TMEM163: variants seen among roughly 807,000 people sequenced by gnomAD.
TMEM163 encodes transmembrane protein 163.
A neutral mutation model predicts 29.3 loss-of-function variants in TMEM163; 17 were observed. That is an observed-to-expected ratio of 0.58 (90% CI 0.40 to 0.87). The LOEUF (loss-of-function observed/expected upper bound fraction) is 0.87, where lower values mean the gene tolerates loss of function less well. Ranked by LOEUF, TMEM163 falls within the 40% of genes least tolerant of loss-of-function variation. The pLI is 0.00. For missense variants in TMEM163, 303 were observed against 381.5 expected, an observed-to-expected ratio of 0.79 and a Z score of 1.71; for synonymous variants, 157 against 160.6, an observed-to-expected ratio of 0.98 and a Z score of 0.17.
intron 2 of TMEM163, among the ~76,000 whole-genome samples, chr2:134,617,436 A>G (rs1003580316): frequency 6.6e-6 from 1 of 152,036 alleles, no homozygotes; most frequent in East Asian, 1.9e-4. Context: ...CATGTACTCT[A>G]CTAAAAAAGT....
intron 5 of TMEM163, among the ~76,000 whole-genome samples, chr2:134,498,227 C>G (rs1037178145): frequency 5.3e-5 from 8 of 152,136 alleles, no homozygotes; most frequent in Non-Finnish European, 1.2e-4. Context: ...CACGCCCAAG[C>G]CCTCCCACCA....
intron 4 of TMEM163, among the ~76,000 whole-genome samples, chr2:134,531,144 C>T (rs959165872): frequency 2.0e-5 from 3 of 152,084 alleles, no homozygotes; most frequent in Admixed American, 6.5e-5. Flanking sequence ...AAATGTGTCC[C>T]TAAGGATTTT....
At chr2:134,545,099 A>G (rs1278797155) in intron 4 of TMEM163, among the ~76,000 whole-genome samples, 1 of 152,198 alleles carries the variant, frequency 6.6e-6, no homozygotes, top group Non-Finnish European at 1.5e-5. Flanking sequence ...AAAACCACAC[A>G]TGCTATTTTG....
At chr2:134,517,398 A>G (rs1006069957) in intron 4 of TMEM163, among the ~76,000 whole-genome samples, 17 of 152,214 alleles carry the variant, frequency 1.1e-4, no homozygotes, top group Non-Finnish European at 2.5e-4. Context: ...ACAGTCTGGG[A>G]AAAGTCTATG....
intron 2 of TMEM163, among the ~76,000 whole-genome samples, chr2:134,597,985 T>C (rs1682128346): frequency 6.6e-6 from 1 of 152,216 alleles, no homozygotes; most frequent in Non-Finnish European, 1.5e-5. Flanking sequence ...TTTTATTGTG[T>C]CTATTTGATT....
intron 6 of TMEM163, among the ~76,000 whole-genome samples, chr2:134,462,913 C>A (rs770616909): frequency 6.6e-6 from 1 of 152,168 alleles, no homozygotes. Flanking sequence ...AGGTGTCCAG[C>A]GAATGAGGTT....
In TMEM163 at chr2:134,669,603, C is replaced by T. The variant is rs114806072; in HGVS notation, c.322+43597G>A. Among the ~76,000 whole-genome samples the T allele has an allele frequency of 2.8e-3, 428 of 152,310 alleles. 1 individual carries two copies. Among genetic ancestry groups the T allele is most frequent in the African/African-American group, 9.6e-3 (399 of 41,568 alleles). ...CTCTCTCAGTGTGACCCTGACATTC[C>T]GTCACTGACAGTGGGTCTGGTTTCC... On this transcript the variant is annotated intron_variant, in intron 2 of 7. Coordinates refer to ENST00000281924, the MANE Select transcript of TMEM163 (RefSeq NM_030923.5).
At chr2:134,468,992 T>C (rs2106475375) in intron 5 of TMEM163, 1 of 151,722 alleles carries the variant, frequency 6.6e-6, no homozygotes. Context: ...AAGGTACGAG[T>C]TGTTGTGAAG....
At chr2:134,693,452 GA>G (rs1315336980) in intron 2 of TMEM163, among the ~76,000 whole-genome samples, 2 of 151,500 alleles carry the variant, frequency 1.3e-5, no homozygotes. Flanking sequence ...ACTAAAAATA[GA>G]AAAAAATTAG....
intron 4 of TMEM163, among the ~76,000 whole-genome samples, chr2:134,520,318 T>TA (rs1455550972): frequency 1.3e-5 from 2 of 152,188 alleles, no homozygotes; most frequent in African/African-American, 2.4e-5. Context: ...TGTCTGGCAA[T>TA]AACAGTGGAA....
At chr2:134,531,179 G>T (rs1425178263) in intron 4 of TMEM163, among the ~76,000 whole-genome samples, 1 of 152,126 alleles carries the variant, frequency 6.6e-6, no homozygotes, top group Admixed American at 6.5e-5. Flanking sequence ...TACCTCCCTT[G>T]CTAGCAATGG....
At chr2:134,469,652 G>A (rs574699852) in intron 5 of TMEM163, 2 of 151,802 alleles carry the variant, frequency 1.3e-5, no homozygotes, top group South Asian at 2.1e-4. Flanking sequence ...TGGCTCCACG[G>A]GCTCGCCCAG....
intron 5 of TMEM163, among the ~76,000 whole-genome samples, chr2:134,484,276 C>T (rs564359386): frequency 5.3e-5 from 8 of 152,102 alleles, no homozygotes; most frequent in African/African-American, 1.4e-4. Context: ...CTCAGAACAC[C>T]GAAGACAAAC....
At chr2:134,481,382 G>A (rs7582105) in intron 5 of TMEM163, among the ~76,000 whole-genome samples, 13,278 of 143,488 alleles carry the variant, frequency 0.093, 803 homozygotes, top group South Asian at 0.17. Context: ...AATCATGGGG[G>A]GGGGGGGAGC....
At chr2:134,462,839 C>T (rs1170815697) in intron 6 of TMEM163, among the ~76,000 whole-genome samples, 1 of 152,230 alleles carries the variant, frequency 6.6e-6, no homozygotes, top group Non-Finnish European at 1.5e-5. Context: ...GGTCAAGTCC[C>T]ATGGTCATGG....
intron 2 of TMEM163, among the ~76,000 whole-genome samples, chr2:134,640,958 T>C (rs1160777182): frequency 6.6e-6 from 1 of 152,218 alleles, no homozygotes; most frequent in Non-Finnish European, 1.5e-5. Context: ...TAGCTGTCCA[T>C]GTTTATGACA....
intron 2 of TMEM163, among the ~76,000 whole-genome samples, chr2:134,577,134 G>A (rs2104790900): frequency 6.6e-6 from 1 of 152,176 alleles, no homozygotes; most frequent in East Asian, 1.9e-4. Flanking sequence ...CTTAATTAGG[G>A]TACCTGCCAT....
intron 1 of TMEM163, among the ~76,000 whole-genome samples, chr2:134,716,503 G>A (rs1001083801): frequency 6.6e-6 from 1 of 152,204 alleles, no homozygotes; most frequent in South Asian, 2.1e-4. Flanking sequence ...GGACAAAAGA[G>A]AATGCCAAAT....
chr2:134,628,595 G>A (rs1032837889), intron 2 of TMEM163, among the ~76,000 whole-genome samples: 4 of 152,196 alleles, frequency 2.6e-5, no homozygotes, highest in African/African-American at 9.7e-5. Flanking sequence ...TAAAATCCTA[G>A]ATACCAAGGC....
Sources: gnomAD v4.1 joint callset for allele counts (sites outside exome capture counted in the v4.1 genomes callset) on GRCh38, gnomAD v4.1.1 for gene constraint, MANE v1.5 for transcripts, NCBI Gene and HGNC (gene_info 2026-07-23, HGNC 2026-07-21) for gene names.